Variants in GRIK3 observed in about 807,000 individuals in gnomAD.
GRIK3 encodes glutamate receptor ionotropic, kainate 3.
In GRIK3, 29 loss-of-function variants were observed where a neutral mutation model predicts 102.5. The ratio of observed to expected loss-of-function variants is 0.28; its 90% CI spans 0.21 to 0.39. The LOEUF is 0.39. GRIK3 is among the 10% of genes least tolerant of loss of function. GRIK3 has a pLI of 1.00. For synonymous variants in GRIK3, 511 were observed against 504.9 expected (o/e 1.01, Z -0.16); for missense variants, 908 against 1,252.4 (o/e 0.73, Z 4.15).
chr1:36,888,051 C>A (rs1641061655), intron 2 of GRIK3, among the ~76,000 whole-genome samples: 1 of 151,964 alleles, frequency 6.6e-6, no homozygotes, highest in Non-Finnish European at 1.5e-5. Flanking sequence ...AGTATATACC[C>A]AACAAAAATG....
At chr1:36,977,527 C>A (rs1642207447) in intron 1 of GRIK3, among the ~76,000 whole-genome samples, 1 of 152,168 alleles carries the variant, frequency 6.6e-6, no homozygotes, top group African/African-American at 2.4e-5. Context: ...CTTTGCAGAG[C>A]TGGATATGCA....
chr1:36,857,058 C>A (rs760243916), intron 7 of GRIK3, among the ~76,000 whole-genome samples: 1 of 152,198 alleles, frequency 6.6e-6, no homozygotes, highest in Non-Finnish European at 1.5e-5. Context: ...TGATAAGGTG[C>A]TATTTTTATC....
intron 13 of GRIK3, among the ~76,000 whole-genome samples, chr1:36,807,100 C>A (rs1161456793): frequency 6.6e-6 from 1 of 152,076 alleles, no homozygotes; most frequent in South Asian, 2.1e-4. Context: ...GGTCTGCAAA[C>A]CCCCTTCAGC....
intron 1 of GRIK3, among the ~76,000 whole-genome samples, chr1:36,938,579 C>T (rs1352155630): frequency 6.6e-6 from 1 of 152,126 alleles, no homozygotes. Context: ...GAAAAGCCCC[C>T]ACTTATGTCA....
chr1:36,872,128 A>G lies in GRIK3; in HGVS notation c.732+60T>C. 1.4e-6 allele frequency: 2 copies of G among 1,437,308 alleles called. No homozygotes were observed. Among genetic ancestry groups the G allele is most frequent in the Non-Finnish European group, 1.9e-6 (2 of 1,061,064 alleles). The allele number at this position is 1,437,308 out of a possible 1,614,324, so 89.0% of individuals were successfully genotyped here. On this transcript the variant is annotated intron_variant, in intron 4 of 15. Transcript: ENST00000373091. The surrounding 1 kb of genome is among the most constrained non-coding windows in gnomAD (Gnocchi z 5.9). ...CATCACACCCACATTTGGGAAGGGGACGTGGGAGAAGTGGCCAGCAGACCC... is the reference window on the plus strand; with the variant it reads ...CATCACACCCACATTTGGGAAGGGGGCGTGGGAGAAGTGGCCAGCAGACCC...
chr1:37,021,287 C>T (rs1377476316), intron 1 of GRIK3, among the ~76,000 whole-genome samples: 1 of 151,900 alleles, frequency 6.6e-6, no homozygotes, highest in African/African-American at 2.4e-5. Context: ...CATCCCAACC[C>T]GTGAAAGAAA....
intron 1 of GRIK3, among the ~76,000 whole-genome samples, chr1:36,944,892 T>C (rs538851907): frequency 6.6e-6 from 1 of 152,192 alleles, no homozygotes; most frequent in Non-Finnish European, 1.5e-5. Flanking sequence ...TAGCGAACAG[T>C]GGCTTGTGCC....
intron 1 of GRIK3, among the ~76,000 whole-genome samples, chr1:36,895,045 C>CG (rs997380018): frequency 3.3e-5 from 5 of 152,062 alleles, no homozygotes; most frequent in African/African-American, 1.2e-4. Context: ...GTGTGTGTTG[C>CG]GGGGGAGGTG....
chr1:36,835,298 G>A (rs777840633), intron 10 of GRIK3, among the ~76,000 whole-genome samples: 13 of 152,222 alleles, frequency 8.5e-5, no homozygotes, highest in East Asian at 1.9e-4. Flanking sequence ...TCTCATAGAC[G>A]CTGCTGCAAG....
chr1:36,970,647 G>A (rs1642130603), intron 1 of GRIK3, among the ~76,000 whole-genome samples: 1 of 152,156 alleles, frequency 6.6e-6, no homozygotes, highest in South Asian at 2.1e-4. Context: ...GATCCAGCTT[G>A]TCTTGGAGAA....
At chr1:36,828,763 CAAAGT>C in intron 10 of GRIK3, among the ~76,000 whole-genome samples, 1 of 152,242 alleles carries the variant, frequency 6.6e-6, no homozygotes, top group East Asian at 1.9e-4. Flanking sequence ...GGAAGAACCT[CAAAGT>C]CAATGGCGGT....
At chr1:36,972,333 G>A (rs1359387186) in intron 1 of GRIK3, among the ~76,000 whole-genome samples, 1 of 152,238 alleles carries the variant, frequency 6.6e-6, no homozygotes, top group Non-Finnish European at 1.5e-5. Context: ...GATCCTGATG[G>A]AATGGACCAG....
chr1:37,002,632 C>G (rs1387549831), intron 1 of GRIK3, among the ~76,000 whole-genome samples: 1 of 151,888 alleles, frequency 6.6e-6, no homozygotes, highest in Non-Finnish European at 1.5e-5. Context: ...ATCTGCTAGC[C>G]ACTGGTTAGA....
rs566095891 is a variant in GRIK3 at position 36,903,339 on chromosome 1, G to A, written c.116-12243C>T. Among the ~76,000 whole-genome samples, 12 of 152,330 alleles carry A rather than the reference G, an allele frequency of 7.9e-5. No homozygotes were observed. In the South Asian group the frequency reaches 2.1e-3, roughly 26 times the overall value. ...CAACACCAAAGTCTGGCAAGGATGC[G>A]GGGCAACAGGAGCCCTCATTCACTG... On this transcript the variant is annotated intron_variant, in intron 1 of 15. Coordinates refer to ENST00000373091, the MANE Select transcript of GRIK3 (RefSeq NM_000831.4).
chr1:36,952,255 A>T (rs961609786), intron 1 of GRIK3, among the ~76,000 whole-genome samples: 21 of 152,124 alleles, frequency 1.4e-4, no homozygotes, highest in African/African-American at 4.8e-4. Flanking sequence ...AGGGCCCACG[A>T]TGTCCGTTAG....
intron 1 of GRIK3, among the ~76,000 whole-genome samples, chr1:36,917,963 G>A (rs546332865): frequency 9.1e-4 from 138 of 152,316 alleles, no homozygotes; most frequent in Non-Finnish European, 1.3e-3. Context: ...ATAAGGGGAG[G>A]CCAGCAGCTG....
In GRIK3 at chr1:36,974,034, G is replaced by A. The variant is rs941941923; in HGVS notation, c.115+59960C>T. 2.6e-5 allele frequency among the ~76,000 whole-genome samples: 4 copies of A among 152,102 alleles called. No individual in the cohort carries two copies. The East Asian group carries it at 5.8e-4, about 22-fold the overall frequency. On this transcript the variant is annotated intron_variant, in intron 1 of 15. Transcript: ENST00000373091. ...GATGACTCTGTGGTGTGTTTTGCTC[G>A]GTTCTTCAGGCCTTCATGGGATTGA... is the stretch of plus-strand genomic sequence containing the variant.
intron 1 of GRIK3, among the ~76,000 whole-genome samples, chr1:36,990,764 G>C (rs554829740): frequency 6.6e-6 from 1 of 152,168 alleles, no homozygotes; most frequent in Non-Finnish European, 1.5e-5. Flanking sequence ...GTTGCAAATC[G>C]CTGAGCCCAG....
Position 36,801,883 on chromosome 1 carries a change from A to C in GRIK3, c.2728T>G (p.Cys910Gly), listed in dbSNP as rs1339210366. The C allele has an allele frequency of 1.9e-6, 3 of 1,611,906 alleles. No individual in the cohort carries two copies. The African/African-American group carries it at 4.0e-5, about 22-fold the overall frequency. Residue 910 changes from cysteine (C) to glycine (G), a missense_variant, in exon 16 of 16, where the codon TGC becomes GGC. Coordinates refer to ENST00000373091, the MANE Select transcript of GRIK3 (RefSeq NM_000831.4). ...RRLPGKDSMA[C>G]STSLAPVFP ...AACACAGGGGCTAAGGATGTGCTGC[A>C]GGCCATGCTGTCCTTGCCGGGAAGC...
Sources: gnomAD v4.1 joint callset for allele counts (sites outside exome capture counted in the v4.1 genomes callset) on GRCh38, gnomAD v4.1.1 for gene constraint, Gnocchi (gnomAD v3.1) non-coding constraint, MANE v1.5 for transcripts, NCBI Gene and HGNC (gene_info 2026-07-23, HGNC 2026-07-21) for gene names.